NME7: variants seen among roughly 807,000 people sequenced by gnomAD.
NME7 encodes the protein nucleoside diphosphate kinase 7.
In NME7, 41 loss-of-function variants were observed where a neutral mutation model predicts 49.1. The ratio of observed to expected loss-of-function variants is 0.83; its 90% CI spans 0.65 to 1.08. NME7 has a LOEUF of 1.08. Among genes scored for constraint, NME7 ranks in the 50% least tolerant of loss-of-function variants. NME7 has a pLI of 0.00. For synonymous variants in NME7, 139 were observed against 150.6 expected, an observed-to-expected ratio of 0.92 and a Z score of 0.56; for missense variants, 423 against 463.4, an observed-to-expected ratio of 0.91 and a Z score of 0.80.
intron 10 of NME7, among the ~76,000 whole-genome samples, chr1:169,206,827 A>G (rs1054412136): frequency 2.0e-5 from 3 of 152,198 alleles, no homozygotes; most frequent in Non-Finnish European, 4.4e-5. Flanking sequence ...GCAATGTGAA[A>G]ATGTTTGCAA....
intron 10 of NME7, among the ~76,000 whole-genome samples, chr1:169,191,509 AAG>A (rs1307744507): frequency 3.3e-5 from 5 of 152,220 alleles, no homozygotes; most frequent in Non-Finnish European, 1.5e-5. Context: ...TGTCCCAAAT[AAG>A]AGAAAAGTTA....
At chr1:169,253,404 A>G (rs1271502665) in intron 7 of NME7, among the ~76,000 whole-genome samples, 20 of 151,694 alleles carry the variant, frequency 1.3e-4, no homozygotes, top group Admixed American at 1.1e-3. Context: ...ATTTTTGCAC[A>G]TTGATTTTGT....
rs1347073936 is a variant in NME7 at position 169,320,705 on chromosome 1, G to C, written c.278+2412C>G. Among the ~76,000 whole-genome samples, 6 of 152,120 alleles carry C rather than the reference G, an allele frequency of 3.9e-5. No individual in the cohort carries two copies. In the South Asian group the frequency reaches 8.3e-4, roughly 21 times the overall value. Reference sequence around the variant, plus strand: ...GATTTACTAACCCATATGCAATTAAGAAAGAATAAGAAGAGAAAATGGTGA... The same window carrying C: ...GATTTACTAACCCATATGCAATTAACAAAGAATAAGAAGAGAAAATGGTGA... On this transcript the variant is annotated intron_variant, in intron 3 of 11. Coordinates refer to ENST00000367811, the MANE Select transcript of NME7 (RefSeq NM_013330.5).
rs1182146731 is a variant in NME7 at position 169,274,276 on chromosome 1, G to GTCTGTTCAT, written c.754+13018_754+13026dup. 1.5e-5 allele frequency among the ~76,000 whole-genome samples: 2 copies of GTCTGTTCAT among 133,806 alleles called. 1 individual carries two copies. 87.8% of individuals were successfully genotyped at this position (133,806 alleles called of 152,430 possible). ...GCATAAATGTCTTCTTTTGAGAAGT[G>GTCTGTTCAT]TCTGTTCATATTCTTTGTCCACTTT... On this transcript the variant is annotated intron_variant, in intron 7 of 11. Transcript: ENST00000367811.
intron 10 of NME7, among the ~76,000 whole-genome samples, chr1:169,175,544 C>T (rs531378608): frequency 1.3e-5 from 2 of 152,082 alleles, no homozygotes; most frequent in Non-Finnish European, 2.9e-5. Flanking sequence ...ACCACAAACA[C>T]GTGAGTAATG....
At chr1:169,264,757 C>T (rs1327160864) in intron 7 of NME7, among the ~76,000 whole-genome samples, 1 of 133,234 alleles carries the variant, frequency 7.5e-6, no homozygotes, top group Non-Finnish European at 1.8e-5. Flanking sequence ...CCAAATGGAT[C>T]TAATAGACAT....
intron 7 of NME7, among the ~76,000 whole-genome samples, chr1:169,245,824 A>G (rs1163892100): frequency 6.6e-6 from 1 of 152,254 alleles, no homozygotes; most frequent in Non-Finnish European, 1.5e-5. Flanking sequence ...AGAAATCACA[A>G]GTGTTACTAA....
At chr1:169,180,338 C>G (rs1236382978) in intron 10 of NME7, among the ~76,000 whole-genome samples, 1 of 152,192 alleles carries the variant, frequency 6.6e-6, no homozygotes, top group Non-Finnish European at 1.5e-5. Flanking sequence ...TACTATTTCA[C>G]AGGAATCCCA....
At chr1:169,244,635 CAAA>C (rs71121747) in intron 7 of NME7, among the ~76,000 whole-genome samples, 1 of 85,356 alleles carries the variant, frequency 1.2e-5, no homozygotes, top group Admixed American at 1.4e-4. Context: ...GACTCCATCT[CAAA>C]AAAAAAAAAA....
At chr1:169,201,351 A>C (rs2101778969) in intron 10 of NME7, among the ~76,000 whole-genome samples, 1 of 152,292 alleles carries the variant, frequency 6.6e-6, no homozygotes, top group East Asian at 1.9e-4. Context: ...TGGGAGCCAC[A>C]GAACAGTGTT....
chr1:169,157,966 T>A (rs1343072196), intron 11 of NME7, among the ~76,000 whole-genome samples: 1 of 152,234 alleles, frequency 6.6e-6, no homozygotes, highest in Non-Finnish European at 1.5e-5. Flanking sequence ...CTTTGTGAGA[T>A]GCACAGTTTG....
chr1:169,139,953 A>G (rs1032101009), intron 11 of NME7, among the ~76,000 whole-genome samples: 6 of 152,214 alleles, frequency 3.9e-5, no homozygotes, highest in Non-Finnish European at 8.8e-5. Context: ...TTTGTGGGTA[A>G]AAAATGAAGG....
intron 10 of NME7, among the ~76,000 whole-genome samples, chr1:169,192,276 G>A (rs1157070023): frequency 6.6e-6 from 1 of 152,226 alleles, no homozygotes; most frequent in Admixed American, 6.5e-5. Flanking sequence ...AGACAGTATA[G>A]CTGGCCCTCT....
chr1:169,238,395 T>A (rs1282657359), intron 7 of NME7, among the ~76,000 whole-genome samples: 1 of 151,782 alleles, frequency 6.6e-6, no homozygotes, highest in Non-Finnish European at 1.5e-5. Flanking sequence ...GACTTTGAGA[T>A]TCCATTTGTT....
chr1:169,348,386 T>A (rs953324073), intron 1 of NME7, among the ~76,000 whole-genome samples: 1 of 151,136 alleles, frequency 6.6e-6, no homozygotes, highest in African/African-American at 2.4e-5. Context: ...AAAACCCACA[T>A]TTTCAAGCTT....
At chr1:169,353,373 G>A (rs1173695449) in intron 1 of NME7, among the ~76,000 whole-genome samples, 2 of 151,914 alleles carry the variant, frequency 1.3e-5, no homozygotes, top group African/African-American at 4.8e-5. Context: ...CCTTTCTCTG[G>A]TCATATACAA....
intron 4 of NME7, among the ~76,000 whole-genome samples, chr1:169,304,866 C>T (rs377364321): frequency 1.3e-5 from 2 of 152,154 alleles, no homozygotes; most frequent in South Asian, 4.1e-4. Flanking sequence ...AAAAGAGATA[C>T]GTATATACTG....
chr1:169,189,915 A>G (rs2101761144), intron 10 of NME7, among the ~76,000 whole-genome samples: 1 of 152,298 alleles, frequency 6.6e-6, no homozygotes, highest in African/African-American at 2.4e-5. Context: ...TTCGTGTTCC[A>G]AATATTAAGT....
intron 11 of NME7, among the ~76,000 whole-genome samples, chr1:169,142,599 G>A (rs1296781749): frequency 2.0e-5 from 3 of 152,158 alleles, no homozygotes; most frequent in African/African-American, 7.2e-5. Flanking sequence ...GAAAAACCCA[G>A]GATTACTAGT....
Sources: gnomAD v4.1 joint callset for allele counts (sites outside exome capture counted in the v4.1 genomes callset) on GRCh38, gnomAD v4.1.1 for gene constraint, MANE v1.5 for transcripts, NCBI Gene and HGNC (gene_info 2026-07-23, HGNC 2026-07-21) for gene names.